The following KRCC1 variants were observed in gnomAD, a reference collection of about 807,000 sequenced individuals.
KRCC1 encodes the protein lysine-rich coiled-coil protein 1.
In KRCC1, 3 loss-of-function variants were observed where a neutral mutation model predicts 7.4. The ratio of observed to expected loss-of-function variants is 0.40; its 90% CI spans 0.18 to 1.04. KRCC1 has a LOEUF of 1.04. KRCC1 is among the 50% of genes least tolerant of loss of function. KRCC1 has a pLI of 0.33. For synonymous variants in KRCC1, 102 were observed against 101.6 expected (o/e 1.00, Z -0.02); for missense variants, 277 against 300.9 (o/e 0.92, Z 0.59).
At chr2:88,041,710 C>G (rs528566194) in intron 1 of KRCC1, among the ~76,000 whole-genome samples, 40 of 152,312 alleles carry the variant, frequency 2.6e-4, no homozygotes, top group African/African-American at 9.1e-4. Context: ...GACATCACCT[C>G]TCTTTCACTT....
chr2:88,030,928 C>G (rs1203763716), intron 3 of KRCC1, among the ~76,000 whole-genome samples: 1 of 152,072 alleles, frequency 6.6e-6, no homozygotes, highest in Admixed American at 6.5e-5. Flanking sequence ...GAATAATGCA[C>G]AATTCATTAT....
In KRCC1 at chr2:88,055,759, CGA is replaced by C; in HGVS notation, c.-426_-425del. On this transcript the variant is annotated 5_prime_UTR_variant, in exon 1 of 4. Transcript: ENST00000347055. ...CTGCCGCCACCGCCGCCTCCGCCGCCGAGCAGGCTGGATGGGAGGAGGAGGCG... is the reference window on the plus strand; with the variant it reads ...CTGCCGCCACCGCCGCCTCCGCCGCCGCAGGCTGGATGGGAGGAGGAGGCG... 1 of 154,302 alleles carries C rather than the reference CGA, an allele frequency of 6.5e-6. No homozygotes were observed. The highest frequency in any genetic ancestry group is 6.5e-5 in the Admixed American group (1 of 15,312). 9.6% of individuals were successfully genotyped at this position (154,302 alleles called of 1,614,324 possible).
chr2:88,029,833 TA>T (rs11431505), intron 3 of KRCC1, among the ~76,000 whole-genome samples: 6,892 of 133,156 alleles, frequency 0.052, 309 homozygotes, highest in African/African-American at 0.13. Context: ...TATATATATA[TA>T]AAAAAATATA....
chr2:88,045,024 A>AT (rs993438766), intron 1 of KRCC1, among the ~76,000 whole-genome samples: 14 of 151,392 alleles, frequency 9.2e-5, no homozygotes, highest in Non-Finnish European at 1.8e-4. Flanking sequence ...TGCCTGGCTA[A>AT]TTTTTTGTAC....
rs1423114349 is a variant in KRCC1, at chr2:88,028,237, G to C, written c.327C>G (p.Asp109Glu). The C allele has an allele frequency of 6.2e-7, 1 of 1,614,052 alleles. No individual in the cohort carries two copies. Among genetic ancestry groups the C allele is most frequent in the Non-Finnish European group, 8.5e-7 (1 of 1,180,022 alleles). Residue 109 changes from aspartate (D) to glutamate (E), a missense_variant, in exon 4 of 4, where the codon GAC (aspartate) becomes GAG (glutamate). Asp to Glu is a conservative substitution (Grantham distance 45). Coordinates refer to ENST00000347055, the MANE Select transcript of KRCC1 (RefSeq NM_016618.3). ...GGGGTACTGGTTTTTCTGAGAAACAGTCCCTCGTGAACTGACAGTAGCTCA... is the reference window on the plus strand; with the variant it reads ...GGGGTACTGGTTTTTCTGAGAAACACTCCCTCGTGAACTGACAGTAGCTCA... ...DSLSYCQFTRDCFSEKPVPLN... is the reference protein window; with the variant it reads ...DSLSYCQFTRECFSEKPVPLN...
chr2:88,047,905 C>T (rs1673377815), intron 1 of KRCC1, among the ~76,000 whole-genome samples: 2 of 152,112 alleles, frequency 1.3e-5, no homozygotes, highest in Non-Finnish European at 2.9e-5. Context: ...AATTAGGATG[C>T]TAATTTGGTT....
intron 1 of KRCC1, among the ~76,000 whole-genome samples, chr2:88,053,675 AC>A (rs1474342004): frequency 1.3e-5 from 2 of 152,246 alleles, no homozygotes; most frequent in African/African-American, 2.4e-5. Context: ...AAAAGTGCTT[AC>A]AAAAATGTTT....
Position 88,027,271 on chromosome 2 carries a change from G to T in KRCC1, c.*513C>A, listed in dbSNP as rs539534561. The T allele has an allele frequency of 3.9e-5, 6 of 152,350 alleles. No homozygotes were observed. The highest frequency in any genetic ancestry group is 5.9e-5 in the Non-Finnish European group (4 of 68,124). 9.4% of individuals were successfully genotyped at this position (152,350 alleles called of 1,614,324 possible). A position where few individuals can be genotyped will look rare whatever the true frequency, so the allele number is the denominator to read the frequency against. ...AACTGATTTTGTATCAAGACTCTTT[G>T]AAACTTTAGAAACTTTATGTAACCT... On this transcript the variant is annotated 3_prime_UTR_variant, in exon 4 of 4. Coordinates refer to ENST00000347055, the MANE Select transcript of KRCC1 (RefSeq NM_016618.3).
chr2:88,050,517 G>A (rs1431809782), intron 1 of KRCC1, among the ~76,000 whole-genome samples: 8 of 152,184 alleles, frequency 5.3e-5, no homozygotes, highest in African/African-American at 1.9e-4. Context: ...CAGCTACGTG[G>A]GAGGCAGAGG....
At chr2:88,041,237 G>C (rs1673204074) in intron 1 of KRCC1, among the ~76,000 whole-genome samples, 9 of 152,246 alleles carry the variant, frequency 5.9e-5, no homozygotes, top group Admixed American at 5.9e-4. Context: ...AGAGCAGATA[G>C]ACGGGAGAGT....
intron 1 of KRCC1, among the ~76,000 whole-genome samples, chr2:88,046,515 T>C (rs1034734965): frequency 2.0e-5 from 3 of 152,202 alleles, no homozygotes; most frequent in African/African-American, 7.2e-5. Context: ...GAAAGACAAA[T>C]ATGGTTACCC....
At chr2:88,037,101 TA>T (rs537663465) in intron 1 of KRCC1, 50 bp from the exon 2 acceptor site, 114 of 152,306 alleles carry the variant, frequency 7.5e-4, no homozygotes, top group African/African-American at 2.3e-3. Context: ...ATAGTTAAGG[TA>T]ATATTTTTAA....
rs137906846 is a variant in KRCC1 at position 88,039,041 on chromosome 2, GTTTGA to G, written c.-290-1995_-290-1991del. Among the ~76,000 whole-genome samples the G allele has an allele frequency of 7.7e-3, 1,166 of 152,120 alleles. 14 individuals carry two copies. Among genetic ancestry groups the G allele is most frequent in the African/African-American group, 0.027 (1,133 of 41,476 alleles). ...TTGAAATAATTAGTAAACCTGATGCGTTTGATTTGACAGTCTGATCTTGTGTGTTA... is the reference window on the plus strand; with the variant it reads ...TTGAAATAATTAGTAAACCTGATGCGTTTGACAGTCTGATCTTGTGTGTTA... On this transcript the variant is annotated intron_variant, in intron 1 of 3. Coordinates refer to ENST00000347055, the MANE Select transcript of KRCC1 (RefSeq NM_016618.3).
chr2:88,028,196 T>A lies in KRCC1; in HGVS notation c.368A>T (p.Gln123Leu), dbSNP rs1040161685. 10 of 1,614,072 alleles carry A rather than the reference T, an allele frequency of 6.2e-6. No homozygotes were observed. In the African/African-American group the frequency reaches 1.1e-4, roughly 17 times the overall value. Reference protein sequence around the residue: ...EKPVPLNFNQQEYICGSHGVE... With the variant: ...EKPVPLNFNQLEYICGSHGVE... ...ACCATGTGAGCCACAAATATATTCT[T>A]GTTGATTAAAGTTCAGGGGTACTGG... The change falls in exon 4 of 4, where the codon CAA becomes CTA. Residue 123 changes from glutamine to leucine, a missense_variant. Transcript: ENST00000347055.
At chr2:88,049,398 C>A (rs909702401) in intron 1 of KRCC1, among the ~76,000 whole-genome samples, 1 of 152,036 alleles carries the variant, frequency 6.6e-6, no homozygotes. Flanking sequence ...TCAATGCTTA[C>A]GTCCTTGGGA....
intron 1 of KRCC1, among the ~76,000 whole-genome samples, chr2:88,050,938 T>TTTTTTTATATGTTTTTTTTC (rs1673468066): frequency 8.4e-6 from 1 of 119,018 alleles, no homozygotes; most frequent in Non-Finnish European, 1.9e-5. Context: ...TTTTTTTTTT[T>TTTTTTTATATGTTTTTTTTC]TTTGAGACAG....
At chr2:88,036,427 A>G (rs556730423) in intron 2 of KRCC1, among the ~76,000 whole-genome samples, 19 of 152,022 alleles carry the variant, frequency 1.2e-4, no homozygotes, top group Non-Finnish European at 2.8e-4. Flanking sequence ...AATAATCACT[A>G]CTCCTCCGGA....
At chr2:88,054,546 C>T (rs1673569947) in intron 1 of KRCC1, among the ~76,000 whole-genome samples, 2 of 152,116 alleles carry the variant, frequency 1.3e-5, no homozygotes, top group Non-Finnish European at 2.9e-5. Context: ...AGTATTTTAT[C>T]TTAGATAATT....
intron 3 of KRCC1, among the ~76,000 whole-genome samples, chr2:88,031,000 C>T (rs575105358): frequency 3.5e-4 from 53 of 152,216 alleles, no homozygotes; most frequent in South Asian, 6.2e-4. Context: ...AAAAGTATAG[C>T]ATACACTATG....
Sources: gnomAD v4.1 joint callset for allele counts (sites outside exome capture counted in the v4.1 genomes callset) on GRCh38, gnomAD v4.1.1 for gene constraint, MANE v1.5 for transcripts, NCBI Gene and HGNC (gene_info 2026-07-23, HGNC 2026-07-21) for gene names.